Variants in RANBP17 observed in about 807,000 individuals in gnomAD.
RANBP17 encodes ran-binding protein 17.
A neutral mutation model predicts 141.2 loss-of-function variants in RANBP17; 158 were observed. That is an observed-to-expected ratio of 1.12 (90% CI 0.98 to 1.28). The LOEUF is 1.28. RANBP17 is among the 50% of genes most tolerant of loss of function. The pLI, the probability that RANBP17 is intolerant of heterozygous loss-of-function variation, is 0.00. For synonymous variants in RANBP17, 430 were observed against 450.0 expected (o/e 0.96, Z 0.56); for missense variants, 1,438 against 1,290.7 (o/e 1.11, Z -1.75).
At chr5:170,911,392 A>G (rs1771514456) in intron 7 of RANBP17, 1 of 575,342 alleles carries the variant, frequency 1.7e-6, no homozygotes, top group East Asian at 2.9e-5. Context: ...ATTTGGGAGG[A>G]AAGTCAAGAG....
At chr5:171,037,521 T>C (rs1213776210) in intron 14 of RANBP17, among the ~76,000 whole-genome samples, 1 of 152,226 alleles carries the variant, frequency 6.6e-6, no homozygotes, top group Non-Finnish European at 1.5e-5. Flanking sequence ...CCATGACTGA[T>C]GTCCAGAATG....
At chr5:170,922,186 A>T (rs560501256) in intron 11 of RANBP17, among the ~76,000 whole-genome samples, 1 of 152,224 alleles carries the variant, frequency 6.6e-6, no homozygotes, top group Non-Finnish European at 1.5e-5. Flanking sequence ...TTGCTGCCTG[A>T]TCCTTCCTCT....
intron 12 of RANBP17, among the ~76,000 whole-genome samples, chr5:170,927,045 G>A (rs1180628209): frequency 6.6e-6 from 1 of 151,986 alleles, no homozygotes; most frequent in Non-Finnish European, 1.5e-5. Flanking sequence ...TAGTGATTTA[G>A]TCTTTTCCTG....
chr5:171,131,765 T>C (rs1358002483), intron 14 of RANBP17, among the ~76,000 whole-genome samples: 1 of 152,206 alleles, frequency 6.6e-6, no homozygotes, highest in Non-Finnish European at 1.5e-5. Flanking sequence ...TAGAACATTA[T>C]GGTAATTTAT....
intron 5 of RANBP17, among the ~76,000 whole-genome samples, chr5:170,899,617 C>T (rs1363415663): frequency 6.6e-6 from 1 of 152,186 alleles, no homozygotes; most frequent in African/African-American, 2.4e-5. Flanking sequence ...GGGAATGCTT[C>T]CAGCTTTTGC....
At chr5:171,111,254 C>T (rs1264408991) in intron 14 of RANBP17, among the ~76,000 whole-genome samples, 1 of 152,120 alleles carries the variant, frequency 6.6e-6, no homozygotes, top group African/African-American at 2.4e-5. Flanking sequence ...ATCTTTCTTA[C>T]TCAGTCATTT....
intron 14 of RANBP17, among the ~76,000 whole-genome samples, chr5:171,147,484 C>T (rs1758140848): frequency 6.7e-6 from 1 of 148,846 alleles, no homozygotes; most frequent in Non-Finnish European, 1.5e-5. Context: ...GGCGGTATCT[C>T]TGCTCACTGC....
chr5:171,051,780 G>C (rs991738429), intron 14 of RANBP17, among the ~76,000 whole-genome samples: 1 of 152,008 alleles, frequency 6.6e-6, no homozygotes, highest in Non-Finnish European at 1.5e-5. Flanking sequence ...TAAATCATAT[G>C]GTAATTCTTT....
rs183982567 is a variant in RANBP17, at chr5:170,893,444, A to G, written c.423+891A>G. 1.4e-3 allele frequency among the ~76,000 whole-genome samples: 207 copies of G among 152,172 alleles called. 1 individual carries two copies. The highest frequency in any genetic ancestry group is 4.6e-3 in the African/African-American group (189 of 41,524). On this transcript the variant is annotated intron_variant, in intron 4 of 27. Transcript: ENST00000523189. The stretch of plus-strand genomic sequence containing the variant: ...TGAAGATATATGTATATATTTTTTC[A>G]TACAAACGTAATTCCCAAGTAGAAG...
At chr5:171,238,815 C>G (rs1306382179) in intron 22 of RANBP17, among the ~76,000 whole-genome samples, 1 of 152,168 alleles carries the variant, frequency 6.6e-6, no homozygotes, top group Non-Finnish European at 1.5e-5. Flanking sequence ...CATGTGGCAA[C>G]TTCAATTATC....
At position 171,246,624 on chromosome 5, in the gene RANBP17, A is replaced by G. The variant is rs117897647; in HGVS notation, c.2776+3804A>G. On this transcript the variant is annotated intron_variant, in intron 24 of 27. Coordinates refer to ENST00000523189, the MANE Select transcript of RANBP17 (RefSeq NM_022897.5). ...GCTGGACATTCTTTTATCTTACATCATAGTAATACTTGAAGATTTTGAATT... is the reference window on the plus strand; with the variant it reads ...GCTGGACATTCTTTTATCTTACATCGTAGTAATACTTGAAGATTTTGAATT... 3.4e-4 allele frequency among the ~76,000 whole-genome samples: 52 copies of G among 152,342 alleles called. 3 individuals carry two copies. In the East Asian group the frequency reaches 9.8e-3, roughly 29 times the overall value.
chr5:171,179,054 T>C (rs769394009), intron 16 of RANBP17, among the ~76,000 whole-genome samples: 12 of 152,244 alleles, frequency 7.9e-5, no homozygotes. Flanking sequence ...ATTTTGGCTT[T>C]TGTTGCCATT....
chr5:171,020,094 A>G (rs1203091999), intron 14 of RANBP17, among the ~76,000 whole-genome samples: 1 of 152,106 alleles, frequency 6.6e-6, no homozygotes, highest in African/African-American at 2.4e-5. Context: ...AGGGAATTTC[A>G]TAATCCTGAA....
chr5:171,071,693 A>T (rs1378545462), intron 14 of RANBP17, among the ~76,000 whole-genome samples: 2 of 151,202 alleles, frequency 1.3e-5, no homozygotes, highest in African/African-American at 4.9e-5. Context: ...ATACGTCAAC[A>T]TGTACCACAC....
At chr5:171,166,070 A>G (rs1759671200) in intron 14 of RANBP17, among the ~76,000 whole-genome samples, 1 of 152,172 alleles carries the variant, frequency 6.6e-6, no homozygotes, top group African/African-American at 2.4e-5. Flanking sequence ...TTTAAGAAAC[A>G]TTATTGAGTA....
chr5:170,931,981 T>C (rs971906142), intron 12 of RANBP17, among the ~76,000 whole-genome samples: 1 of 152,218 alleles, frequency 6.6e-6, no homozygotes, highest in Admixed American at 6.5e-5. Flanking sequence ...GCATTGAATC[T>C]ATAAATTACC....
intron 22 of RANBP17, among the ~76,000 whole-genome samples, chr5:171,228,067 A>G (rs753897989): frequency 3.3e-5 from 5 of 152,226 alleles, no homozygotes; most frequent in Non-Finnish European, 7.3e-5. Context: ...TCTGCAGCCC[A>G]TGGATCAAGG....
chr5:171,124,717 C>A (rs1412976835), intron 14 of RANBP17, among the ~76,000 whole-genome samples: 4 of 151,876 alleles, frequency 2.6e-5, no homozygotes, highest in African/African-American at 9.7e-5. Context: ...AGAGCAGATA[C>A]ACGCAAAAAA....
chr5:170,899,495 T>C (rs1007782798), intron 5 of RANBP17, among the ~76,000 whole-genome samples: 2 of 152,222 alleles, frequency 1.3e-5, no homozygotes, highest in Non-Finnish European at 2.9e-5. Context: ...ATCTTCCTAT[T>C]TGAATACTCT....
Sources: gnomAD v4.1 joint callset for allele counts (sites outside exome capture counted in the v4.1 genomes callset) on GRCh38, gnomAD v4.1.1 for gene constraint, MANE v1.5 for transcripts, NCBI Gene and HGNC (gene_info 2026-07-23, HGNC 2026-07-21) for gene names.